ABCB11: variants seen among roughly 807,000 people sequenced by gnomAD.
The protein encoded by ABCB11 is bile salt export pump.
Under a neutral mutation model 148.0 loss-of-function variants are expected in ABCB11, and 95 were observed. That is an observed-to-expected ratio of 0.64 (90% confidence interval 0.54 to 0.76). ABCB11 has a LOEUF of 0.76. Ranked by LOEUF, ABCB11 falls within the 30% of genes least tolerant of loss-of-function variation. The pLI is 0.00. For synonymous variants in ABCB11, 591 were observed against 555.4 expected (o/e 1.06, Z -0.90); for missense variants, 1,523 against 1,617.8 (o/e 0.94, Z 1.01).
intron 4 of ABCB11, among the ~76,000 whole-genome samples, chr2:169,013,857 C>T (rs1165440638): frequency 6.6e-6 from 1 of 152,118 alleles, no homozygotes; most frequent in Non-Finnish European, 1.5e-5. Context: ...AGTAGATAAA[C>T]TGTGTGGGGC....
intron 19 of ABCB11, among the ~76,000 whole-genome samples, chr2:168,950,877 C>T (rs1692531396): frequency 6.6e-6 from 1 of 151,510 alleles, no homozygotes. Context: ...AAGAGTTTTT[C>T]CTAGGTTTTC....
Position 168,976,669 on chromosome 2 carries a change from T to C in ABCB11, c.1216A>G (p.Met406Val). Residue 406 changes from methionine (M) to valine (V), a missense_variant, in exon 12 of 28, where the codon ATG (methionine) becomes GTG (valine). Met to Val is a conservative substitution (Grantham distance 21). Coordinates refer to ENST00000650372, the MANE Select transcript of ABCB11 (RefSeq NM_003742.4). ...TIDRKPIIDCMSEDGYKLDRI... is the reference protein window; with the variant it reads ...TIDRKPIIDCVSEDGYKLDRI... The stretch of plus-strand genomic sequence containing the variant: ...TCCAACTTGTAACCATCTTCTGACA[T>C]GCAGTCAATGATGGGTTTCTGGAGT... 1 of 1,610,390 alleles carries C rather than the reference T, an allele frequency of 6.2e-7. No homozygotes were observed. Among genetic ancestry groups the C allele is most frequent in the Non-Finnish European group, 8.5e-7 (1 of 1,177,096 alleles).
chr2:168,966,424 G>A lies in ABCB11; in HGVS notation c.2075+2003C>T, dbSNP rs142596013. On this transcript the variant is annotated intron_variant, in intron 17 of 27. Coordinates refer to ENST00000650372, the MANE Select transcript of ABCB11 (RefSeq NM_003742.4). ...CAGATCATTCGAGCTGTCTAGCCTA[G>A]GCTGTCATGAGGCCATGGGCAGTGC... 8.2e-3 allele frequency among the ~76,000 whole-genome samples: 1,245 copies of A among 151,910 alleles called. 18 individuals are homozygous for A. Among genetic ancestry groups the A allele is most frequent in the African/African-American group, 0.028 (1,177 of 41,488 alleles).
At chr2:169,007,725 T>C (rs1695066024) in intron 5 of ABCB11, among the ~76,000 whole-genome samples, 2 of 151,558 alleles carry the variant, frequency 1.3e-5, no homozygotes, top group African/African-American at 4.9e-5. Flanking sequence ...AGACCTTGGA[T>C]TTGGCAATGG....
At chr2:168,951,504 G>T (rs1229494392) in intron 19 of ABCB11, among the ~76,000 whole-genome samples, 12 of 150,668 alleles carry the variant, frequency 8.0e-5, no homozygotes, top group Non-Finnish European at 1.6e-4. Flanking sequence ...TATTTTTTTT[G>T]TAGCTATTGT....
intron 19 of ABCB11, among the ~76,000 whole-genome samples, chr2:168,950,222 ATG>A (rs754220478): frequency 3.3e-5 from 5 of 151,238 alleles, no homozygotes; most frequent in African/African-American, 9.7e-5. Context: ...ATATGTGTAT[ATG>A]TGTGTGTGTA....
At chr2:168,919,688 G>A (rs1282918619), downstream of ABCB11, among the ~76,000 whole-genome samples, 1 of 151,858 alleles carries the variant, frequency 6.6e-6, no homozygotes, top group African/African-American at 2.4e-5. Flanking sequence ...GAGGTGTTGA[G>A]ACCTGCATGA....
At chr2:168,947,024 G>A (rs1198107918) in intron 19 of ABCB11, among the ~76,000 whole-genome samples, 1 of 151,726 alleles carries the variant, frequency 6.6e-6, no homozygotes, top group African/African-American at 2.4e-5. Context: ...GCAACTCCAA[G>A]GGCTATCCAT....
intron 19 of ABCB11, among the ~76,000 whole-genome samples, chr2:168,954,115 C>T (rs1478355073): frequency 6.6e-6 from 1 of 151,556 alleles, no homozygotes; most frequent in Non-Finnish European, 1.5e-5. Flanking sequence ...GGACCTGTCT[C>T]AGATTTTTGG....
At chr2:169,026,564 G>A (rs1430800266) in intron 1 of ABCB11, among the ~76,000 whole-genome samples, 1 of 152,172 alleles carries the variant, frequency 6.6e-6, no homozygotes, top group Non-Finnish European at 1.5e-5. Flanking sequence ...AAGAATGAAG[G>A]CCTTGCCTGT....
At position 168,979,672 on chromosome 2, in the gene ABCB11, C is replaced by CA. The variant is rs55859131; in HGVS notation, c.1197+193dup. 0.051 allele frequency among the ~76,000 whole-genome samples: 5,048 copies of CA among 99,660 alleles called. 516 individuals are homozygous for CA. The highest frequency in any genetic ancestry group is 0.14 in the East Asian group (326 of 2,412). 65.4% of individuals were successfully genotyped at this position (99,660 alleles called of 152,430 possible). On this transcript the variant is annotated intron_variant, in intron 11 of 27. Transcript: ENST00000650372. ...GGGCAACAAGAGCGAAACTCCATCTCAAAAAAAAAAAAAAAAAAAAAAAAA... is the reference window on the plus strand; with the variant it reads ...GGGCAACAAGAGCGAAACTCCATCTCAAAAAAAAAAAAAAAAAAAAAAAAAA...
At chr2:168,926,103 C>T (rs1451302671) in intron 26 of ABCB11, among the ~76,000 whole-genome samples, 2 of 152,074 alleles carry the variant, frequency 1.3e-5, no homozygotes, top group Non-Finnish European at 1.5e-5. Flanking sequence ...ACAATTTTCC[C>T]AGGGATATTT....
intron 23 of ABCB11, 107 bp downstream of exon 23, chr2:168,935,077 C>T: frequency 6.9e-7 from 1 of 1,454,876 alleles, no homozygotes; most frequent in South Asian, 1.3e-5. Context: ...TATTGTAAGA[C>T]ACCAAGCTTG....
At chr2:168,966,079 C>A (rs1330629648) in intron 17 of ABCB11, among the ~76,000 whole-genome samples, 1 of 151,824 alleles carries the variant, frequency 6.6e-6, no homozygotes, top group Non-Finnish European at 1.5e-5. Flanking sequence ...GAGACTCCCT[C>A]CCACCTAGCC....
intron 17 of ABCB11, among the ~76,000 whole-genome samples, chr2:168,967,802 A>G (rs1466263840): frequency 6.6e-6 from 1 of 151,962 alleles, no homozygotes; most frequent in Non-Finnish European, 1.5e-5. Flanking sequence ...AAACTCTTAA[A>G]CCAGGATGAA....
At chr2:168,971,366 T>A (rs1009628276) in intron 14 of ABCB11, among the ~76,000 whole-genome samples, 8 of 151,844 alleles carry the variant, frequency 5.3e-5, no homozygotes, top group African/African-American at 1.9e-4. Context: ...TGCTGAGGAG[T>A]TGGTTTTTGT....
intron 5 of ABCB11, among the ~76,000 whole-genome samples, chr2:168,997,491 T>C (rs1196429088): frequency 6.6e-6 from 1 of 151,440 alleles, no homozygotes; most frequent in African/African-American, 2.4e-5. Context: ...TGCCAGGGAG[T>C]GGAGGAAAAA....
At chr2:168,940,728 A>G (rs1181919079) in intron 21 of ABCB11, among the ~76,000 whole-genome samples, 1 of 152,088 alleles carries the variant, frequency 6.6e-6, no homozygotes, top group Non-Finnish European at 1.5e-5. Context: ...TTTCATATCT[A>G]GAGAGGAGAA....
In ABCB11 at chr2:168,979,964, T is replaced by A; in HGVS notation, c.1099A>T (p.Ile367Leu). The A allele has an allele frequency of 1.9e-6, 3 of 1,605,972 alleles. No individual in the cohort carries two copies. The highest frequency in any genetic ancestry group is 1.7e-6 in the Non-Finnish European group (2 of 1,173,552). ...GTLVQIFLSV[I>L]VGALNLGNAS... is the part of the protein sequence containing the mutation. The stretch of plus-strand genomic sequence containing the variant: ...TTGCCAAGATTTAAAGCTCCTACTA[T>A]GACACTGAGGAAAATCTGAAATGAA... Residue 367 changes from isoleucine to leucine, a missense_variant, in exon 11 of 28, where the codon ATA (isoleucine) becomes TTA (leucine). Physicochemically the swap from Ile to Leu is conservative, Grantham distance 5. Coordinates refer to ENST00000650372, the MANE Select transcript of ABCB11 (RefSeq NM_003742.4).
Sources: gnomAD v4.1 joint callset for allele counts (sites outside exome capture counted in the v4.1 genomes callset) on GRCh38, gnomAD v4.1.1 for gene constraint, MANE v1.5 for transcripts, NCBI Gene and HGNC (gene_info 2026-07-23, HGNC 2026-07-21) for gene names.